Variants in TENM4 observed in about 807,000 individuals in gnomAD.
The protein encoded by TENM4 is teneurin transmembrane protein 4.
In TENM4, 82 loss-of-function variants were observed where a neutral mutation model predicts 243.3. The observed-to-expected ratio is 0.34, with a 90% CI of 0.28 to 0.40. The LOEUF is 0.40. Ranked by LOEUF, TENM4 falls within the 10% of genes least tolerant of loss-of-function variation. The pLI is 1.00. For missense variants in TENM4, 3,138 were observed against 3,673.3 expected (o/e 0.85, Z 3.77); for synonymous variants, 1,412 against 1,456.3 (o/e 0.97, Z 0.69).
At chr11:78,711,476 C>T (rs1376344754) in intron 26 of TENM4, among the ~76,000 whole-genome samples, 3 of 152,182 alleles carry the variant, frequency 2.0e-5, no homozygotes, top group African/African-American at 7.2e-5. Context: ...TGCCTGATTT[C>T]ACTAGAATCT....
rs1452737087 is a variant in TENM4, at chr11:78,738,553, C to T, written c.2774G>A (p.Arg925His). The change falls in exon 20 of 34, where the codon CGT (arginine) becomes CAT (histidine). Residue 925 changes from arginine to histidine, a missense_variant. Around this residue, in one of 2 missense-constraint regions of TENM4, gnomAD observed 2,467 missense variants for 3,059.1 expected, o/e 0.81. Coordinates refer to ENST00000278550, the MANE Select transcript of TENM4 (RefSeq NM_001098816.3). The part of the protein sequence containing the change: ...PFDGGHACVI[R>H]GQVMTSDGTP... The stretch of plus-strand genomic sequence containing the variant: ...TCCATCTGATGTCATCACTTGGCCA[C>T]GAATAACACAAGCATGCCTGTGGGA... 4 of 1,613,490 alleles carry T rather than the reference C, an allele frequency of 2.5e-6. No homozygotes were observed. Among genetic ancestry groups the T allele is most frequent in the African/African-American group, 2.7e-5 (2 of 74,890 alleles).
At chr11:78,998,119 T>C (rs1230567900) in intron 6 of TENM4, among the ~76,000 whole-genome samples, 1 of 152,214 alleles carries the variant, frequency 6.6e-6, no homozygotes, top group African/African-American at 2.4e-5. Context: ...CACTAGTCTA[T>C]GGTATTTTGT....
chr11:79,080,008 C>G (rs1455211401), intron 4 of TENM4, among the ~76,000 whole-genome samples: 1 of 152,152 alleles, frequency 6.6e-6, no homozygotes, highest in Non-Finnish European at 1.5e-5. Flanking sequence ...AACCTGCCTC[C>G]TTTTAGCTTC....
intron 6 of TENM4, among the ~76,000 whole-genome samples, chr11:78,904,335 G>C (rs1856012437): frequency 8.0e-6 from 1 of 124,620 alleles, no homozygotes; most frequent in Non-Finnish European, 1.6e-5. Flanking sequence ...ACTCCAGCCT[G>C]AGCTACAGAG....
intron 1 of TENM4, among the ~76,000 whole-genome samples, chr11:79,362,383 G>A (rs1461010994): frequency 6.6e-6 from 1 of 152,140 alleles, no homozygotes; most frequent in African/African-American, 2.4e-5. Flanking sequence ...TGTATACACG[G>A]AAATAGGATG....
intron 6 of TENM4, among the ~76,000 whole-genome samples, chr11:78,967,155 C>T (rs912629781): frequency 6.6e-6 from 1 of 152,186 alleles, no homozygotes; most frequent in Non-Finnish European, 1.5e-5. Flanking sequence ...GGCACCCCCT[C>T]TAGGTGCTCC....
rs1186894872 is a variant in TENM4 at position 78,854,225 on chromosome 11, A to C, written c.1560T>G (p.Thr520=). ...LEGTPRQSRG[T]VPPSSHETGF... is the part of the protein sequence containing the mutation. ...CTGTCTCATGGCTGGAGGGGGGCAC[A>C]GTTCCCCGAGACTGGCGCGGGGTCC... Residue 520 remains threonine (T), a synonymous_variant, in exon 12 of 34, where the codon ACT becomes ACG. Coordinates refer to ENST00000278550, the MANE Select transcript of TENM4 (RefSeq NM_001098816.3). The C allele has an allele frequency of 6.4e-7, 1 of 1,551,422 alleles. No individual in the cohort carries two copies. Among genetic ancestry groups the C allele is most frequent in the East Asian group, 2.4e-5 (1 of 40,930 alleles).
intron 6 of TENM4, among the ~76,000 whole-genome samples, chr11:79,042,475 G>T (rs1206536298): frequency 6.6e-6 from 1 of 152,172 alleles, no homozygotes; most frequent in Non-Finnish European, 1.5e-5. Context: ...GAGGCTTAAG[G>T]GAGCTTGTTT....
At chr11:78,790,496 C>T (rs1857032119) in intron 15 of TENM4, among the ~76,000 whole-genome samples, 1 of 152,220 alleles carries the variant, frequency 6.6e-6, no homozygotes, top group Admixed American at 6.5e-5. Flanking sequence ...GTTTGCAAAG[C>T]ACTCTTCATG....
chr11:79,085,245 C>T (rs568324659), intron 4 of TENM4, among the ~76,000 whole-genome samples: 184 of 151,718 alleles, frequency 1.2e-3, no homozygotes, highest in African/African-American at 4.2e-3. Context: ...GGTGTGGTGG[C>T]GGGCACCTGT....
chr11:79,129,615 C>T (rs954760373), intron 4 of TENM4, among the ~76,000 whole-genome samples: 2 of 152,046 alleles, frequency 1.3e-5, no homozygotes, highest in African/African-American at 4.8e-5. Flanking sequence ...TGCTGGCTTT[C>T]CCCAGCTTCC....
At chr11:79,043,519 T>C (rs1161326127) in intron 6 of TENM4, among the ~76,000 whole-genome samples, 2 of 152,120 alleles carry the variant, frequency 1.3e-5, no homozygotes, top group African/African-American at 4.8e-5. Context: ...CCAAAGCATG[T>C]TGGGTACATA....
chr11:78,857,168 C>A (rs1858700938), intron 10 of TENM4, among the ~76,000 whole-genome samples: 1 of 152,158 alleles, frequency 6.6e-6, no homozygotes. Context: ...TTAGGAAGAC[C>A]ACCCTTAGCA....
chr11:78,833,044 C>T (rs1475049674), intron 12 of TENM4, among the ~76,000 whole-genome samples: 5 of 152,168 alleles, frequency 3.3e-5, no homozygotes, highest in Admixed American at 1.3e-4. Flanking sequence ...GTAGAAGAAA[C>T]CCCACAGGTC....
intron 15 of TENM4, among the ~76,000 whole-genome samples, chr11:78,801,242 T>A (rs987068121): frequency 8.5e-5 from 13 of 152,124 alleles, no homozygotes; most frequent in African/African-American, 2.7e-4. Flanking sequence ...CTCTTTTCTA[T>A]CTGTTTAACA....
intron 4 of TENM4, among the ~76,000 whole-genome samples, chr11:79,120,159 A>G (rs1180455826): frequency 6.6e-6 from 1 of 152,216 alleles, no homozygotes; most frequent in African/African-American, 2.4e-5. Context: ...TCTATTGTCA[A>G]CGCAGGACAG....
chr11:78,659,066 C>T (rs564888311), intron 33 of TENM4, among the ~76,000 whole-genome samples: 9 of 152,096 alleles, frequency 5.9e-5, no homozygotes, highest in Non-Finnish European at 1.2e-4. Flanking sequence ...TGTGCCAGGT[C>T]GTTTTGTGAG....
At chr11:79,139,939 G>C (rs1862254369) in intron 4 of TENM4, among the ~76,000 whole-genome samples, 1 of 149,592 alleles carries the variant, frequency 6.7e-6, no homozygotes, top group African/African-American at 2.5e-5. Context: ...ATTTGAAGAT[G>C]GAACCAACAT....
At chr11:78,763,625 G>A (rs1856479644) in intron 18 of TENM4, among the ~76,000 whole-genome samples, 1 of 152,222 alleles carries the variant, frequency 6.6e-6, no homozygotes, top group Non-Finnish European at 1.5e-5. Flanking sequence ...ATGACCCGGA[G>A]AACGAGGGAA....
Sources: gnomAD v4.1 joint callset for allele counts (sites outside exome capture counted in the v4.1 genomes callset) on GRCh38, gnomAD v4.1.1 for gene constraint, gnomAD v4.1.1 regional missense constraint, MANE v1.5 for transcripts, NCBI Gene and HGNC (gene_info 2026-07-23, HGNC 2026-07-21) for gene names.